Variants in EYS observed in about 807,000 individuals in gnomAD.
The protein encoded by EYS is EGF-like photoreceptor maintenance factor.
Under a neutral mutation model 282.1 loss-of-function variants are expected in EYS, and 250 were observed. That is an observed-to-expected ratio of 0.89 (90% CI 0.80 to 0.98). The LOEUF (loss-of-function observed/expected upper bound fraction) is 0.98, where lower values mean the gene tolerates loss of function less well. Among genes scored for constraint, EYS ranks in the 50% least tolerant of loss-of-function variants. The probability of loss-of-function intolerance (pLI) is 0.00; values close to 1 mark genes in which losing one functional copy is unlikely to be tolerated. For missense variants in EYS, 4,016 were observed against 3,709.0 expected (o/e 1.08, Z -2.15); for synonymous variants, 1,355 against 1,282.9 (o/e 1.06, Z -1.20).
intron 12 of EYS, among the ~76,000 whole-genome samples, chr6:65,064,389 T>C (rs1369029160): frequency 2.8e-5 from 4 of 145,012 alleles, no homozygotes; most frequent in African/African-American, 1.0e-4. Context: ...ATGTGATATA[T>C]AGTATACGAT....
chr6:64,275,949 A>G (rs1333417152), intron 30 of EYS, among the ~76,000 whole-genome samples: 1 of 151,056 alleles, frequency 6.6e-6, no homozygotes, highest in Non-Finnish European at 1.5e-5. Flanking sequence ...TGGATGACAG[A>G]GCGAGACTCC....
intron 12 of EYS, among the ~76,000 whole-genome samples, chr6:65,286,936 T>C (rs1046276301): frequency 4.6e-5 from 7 of 151,500 alleles, no homozygotes; most frequent in African/African-American, 1.7e-4. Context: ...TTAACTTCAA[T>C]GGGAATGTGT....
chr6:63,804,801 G>A (rs1770862809), intron 37 of EYS, among the ~76,000 whole-genome samples: 2 of 152,164 alleles, frequency 1.3e-5, no homozygotes, highest in African/African-American at 4.8e-5. Flanking sequence ...CCTTTTAAGA[G>A]GCTAACTCTT....
chr6:64,213,981 T>A (rs1765857862), intron 31 of EYS, among the ~76,000 whole-genome samples: 3 of 152,158 alleles, frequency 2.0e-5, no homozygotes, highest in African/African-American at 7.2e-5. Flanking sequence ...TGTTGGCTAT[T>A]TTCAAGTGAT....
intron 36 of EYS, among the ~76,000 whole-genome samples, chr6:63,827,563 G>T (rs370342484): frequency 6.6e-6 from 1 of 152,070 alleles, no homozygotes; most frequent in Admixed American, 6.6e-5. Flanking sequence ...AAATTACATC[G>T]GCCGGGCGCG....
chr6:65,267,603 G>A (rs573439675), intron 12 of EYS, among the ~76,000 whole-genome samples: 5 of 151,916 alleles, frequency 3.3e-5, no homozygotes, highest in African/African-American at 1.2e-4. Context: ...ACTTATGTAT[G>A]TATTTTTCTG....
chr6:63,770,779 T>C (rs535673353), intron 40 of EYS, among the ~76,000 whole-genome samples: 1 of 152,166 alleles, frequency 6.6e-6, no homozygotes, highest in East Asian at 1.9e-4. Flanking sequence ...ATGCTCAAAA[T>C]TTGAAGTCTT....
At chr6:64,103,845 T>A (rs1376426053) in intron 31 of EYS, among the ~76,000 whole-genome samples, 1 of 151,910 alleles carries the variant, frequency 6.6e-6, no homozygotes, top group Non-Finnish European at 1.5e-5. Flanking sequence ...ATGAGGGTAA[T>A]AACAAGAAAG....
At chr6:63,738,073 AAAGTC>A (rs1344169198) in intron 41 of EYS, among the ~76,000 whole-genome samples, 11 of 152,218 alleles carry the variant, frequency 7.2e-5, no homozygotes, top group Non-Finnish European at 1.2e-4. Context: ...TAATCATTAA[AAAGTC>A]AGGAAACAAC....
At chr6:65,451,990 C>T (rs9351500) in intron 5 of EYS, among the ~76,000 whole-genome samples, 28,022 of 151,500 alleles carry the variant, frequency 0.18, 3,225 homozygotes, top group Middle Eastern at 0.3. Context: ...AATTTGAAAA[C>T]TATTCATAGA....
rs1770819998 is a variant in EYS, at chr6:64,051,857, CAG to C, written c.6725+14479_6725+14480del. ...ATAATAGGAAGTAAAACACAGGTCA[CAG>C]AGAGGGGAAAGATAAAGGTAGCCAT... On this transcript the variant is annotated intron_variant, in intron 33 of 42. Transcript: ENST00000503581. 2.0e-5 allele frequency among the ~76,000 whole-genome samples: 3 copies of C among 151,994 alleles called. No homozygotes were observed. The South Asian group carries it at 6.2e-4, about 32-fold the overall frequency.
chr6:64,150,462 T>C (rs1187717469), intron 31 of EYS, among the ~76,000 whole-genome samples: 1 of 152,222 alleles, frequency 6.6e-6, no homozygotes, highest in Non-Finnish European at 1.5e-5. Context: ...GTTTCTAACA[T>C]ATTCAAGTTT....
chr6:65,168,045 G>A (rs1311693975), intron 12 of EYS, among the ~76,000 whole-genome samples: 1 of 150,854 alleles, frequency 6.6e-6, no homozygotes, highest in East Asian at 2.0e-4. Flanking sequence ...AATGCTTGCA[G>A]CCCTTGGGGA....
intron 28 of EYS, among the ~76,000 whole-genome samples, chr6:64,426,550 CT>C (rs1001519795): frequency 1.3e-5 from 2 of 149,820 alleles, no homozygotes; most frequent in Non-Finnish European, 3.0e-5. Flanking sequence ...CTTTTTTTTT[CT>C]TTTTTTTGGA....
chr6:63,842,527 G>A (rs1425200741), intron 36 of EYS, among the ~76,000 whole-genome samples: 1 of 152,080 alleles, frequency 6.6e-6, no homozygotes, highest in African/African-American at 2.4e-5. Flanking sequence ...AGATGGATAG[G>A]TTGTAAAAAT....
chr6:65,207,205 A>C (rs563175985), intron 12 of EYS, among the ~76,000 whole-genome samples: 1 of 151,928 alleles, frequency 6.6e-6, no homozygotes, highest in Admixed American at 6.6e-5. Flanking sequence ...TACAAAAGTC[A>C]GTAGCATTTC....
At chr6:65,423,119 A>T (rs370188314) in intron 5 of EYS, among the ~76,000 whole-genome samples, 3 of 151,886 alleles carry the variant, frequency 2.0e-5, no homozygotes, top group Non-Finnish European at 4.4e-5. Flanking sequence ...CCTCACCCAC[A>T]TAAAAATTAA....
intron 7 of EYS, among the ~76,000 whole-genome samples, chr6:65,400,478 A>G (rs116724090): frequency 6.6e-6 from 1 of 151,950 alleles, no homozygotes; most frequent in African/African-American, 2.4e-5. Flanking sequence ...CACTTTTGAT[A>G]CTTTACAACT....
At chr6:64,282,992 T>C (rs1468986868) in intron 30 of EYS, among the ~76,000 whole-genome samples, 1 of 152,186 alleles carries the variant, frequency 6.6e-6, no homozygotes, top group Non-Finnish European at 1.5e-5. Flanking sequence ...TGTTTCCCAG[T>C]CATACTGAAA....
Sources: allele counts gnomAD v4.1 joint callset (sites outside exome capture counted in the v4.1 genomes callset), GRCh38; gene constraint gnomAD v4.1.1; transcripts MANE v1.5; gene names NCBI Gene and HGNC (gene_info 2026-07-23, HGNC 2026-07-21).